Variants in LCOR observed in about 807,000 individuals in gnomAD.
LCOR encodes ligand-dependent corepressor.
Under a neutral mutation model 64.4 loss-of-function variants are expected in LCOR, and 14 were observed. The observed-to-expected ratio is 0.22, with a 90% CI of 0.14 to 0.34. The LOEUF is 0.34. Among genes scored for constraint, LCOR ranks in the 10% least tolerant of loss-of-function variants. LCOR has a pLI of 1.00. For synonymous variants in LCOR, 643 were observed against 642.5 expected, an observed-to-expected ratio of 1.00 and a Z score of -0.01; for missense variants, 1,686 against 1,765.3, an observed-to-expected ratio of 0.96 and a Z score of 0.80.
chr10:96,919,223 A>G (rs966040392), intron 4 of LCOR, among the ~76,000 whole-genome samples: 3 of 152,164 alleles, frequency 2.0e-5, no homozygotes, highest in African/African-American at 7.2e-5. Context: ...CTACTTATAT[A>G]AAAATTAGGG....
chr10:96,915,494 C>G (rs548063086), intron 4 of LCOR: 1 of 417,110 alleles, frequency 2.4e-6, no homozygotes, highest in African/African-American at 2.1e-5. Context: ...GCACTCCAGC[C>G]TGGGGAGAGA....
rs1848035333 is a variant in LCOR, at chr10:96,975,841, C to T, written c.333-4952C>T. ...ACCAGCCTGACCAACATGGCAAAAC[C>T]CTGTCTCTACTAAAAATACAAAAGC... On this transcript the variant is annotated intron_variant, in intron 7 of 7. Coordinates refer to ENST00000421806, the MANE Select transcript of LCOR (RefSeq NM_001346516.2). Among the ~76,000 whole-genome samples the T allele has an allele frequency of 2.0e-5, 3 of 152,008 alleles. 1 individual carries two copies. Among genetic ancestry groups the T allele is most frequent in the Admixed American group, 2.0e-4 (3 of 15,264 alleles).
intron 2 of LCOR, among the ~76,000 whole-genome samples, chr10:96,884,325 A>G (rs1846308307): frequency 6.6e-6 from 1 of 152,244 alleles, no homozygotes; most frequent in African/African-American, 2.4e-5. Flanking sequence ...CGGTTTCAGT[A>G]ATTTTTAAGA....
chr10:96,850,915 T>G (rs1462673431), intron 2 of LCOR, among the ~76,000 whole-genome samples: 1 of 152,216 alleles, frequency 6.6e-6, no homozygotes. Context: ...AGAAAGATAC[T>G]GACTACAGCT....
intron 7 of LCOR, among the ~76,000 whole-genome samples, chr10:96,970,588 T>G (rs1847990050): frequency 6.7e-6 from 1 of 149,968 alleles, no homozygotes; most frequent in Non-Finnish European, 1.5e-5. Context: ...GATTGTAAGA[T>G]CCTAACCAGC....
chr10:96,983,018 C>T lies in LCOR; in HGVS notation c.2558C>T (p.Ala853Val). Reference sequence around the variant, plus strand: ...ATCAAAGTTCCTAAAAATCCTAGTGCAAAACGTTCAAAAAAAGAAGGGCAC... The same window carrying T: ...ATCAAAGTTCCTAAAAATCCTAGTGTAAAACGTTCAAAAAAAGAAGGGCAC... The part of the protein sequence containing the change: ...LEIKVPKNPS[A>V]KRSKKEGHPG... Residue 853 changes from alanine to valine, a missense_variant, in exon 8 of 8, where the codon GCA becomes GTA. Around this residue, in one of 3 missense-constraint regions of LCOR, gnomAD observed 1,293 missense variants for 1,410.4 expected, o/e 0.92. Transcript: ENST00000421806. This position sits in a 1 kb window ranked among gnomAD's most constrained non-coding sequence, Gnocchi z 4.5. 4 of 1,613,788 alleles carry T rather than the reference C, an allele frequency of 2.5e-6. No individual in the cohort carries two copies. The South Asian group carries it at 4.4e-5, about 18-fold the overall frequency.
intron 4 of LCOR, among the ~76,000 whole-genome samples, chr10:96,910,085 A>AT (rs985777847): frequency 2.0e-5 from 3 of 151,920 alleles, no homozygotes; most frequent in African/African-American, 4.8e-5. Flanking sequence ...TATTGTATGA[A>AT]TTTTTTTTAA....
chr10:96,932,012 G>T (rs1847269898), intron 4 of LCOR, among the ~76,000 whole-genome samples: 1 of 152,140 alleles, frequency 6.6e-6, no homozygotes, highest in Non-Finnish European at 1.5e-5. Context: ...TTGCTGGGGG[G>T]ATAGCAGAAT....
chr10:96,908,243 A>G (rs1005827156), intron 4 of LCOR, among the ~76,000 whole-genome samples: 2 of 152,150 alleles, frequency 1.3e-5, no homozygotes, highest in East Asian at 3.9e-4. Flanking sequence ...CTCCTGCCTC[A>G]GCCTCCCAAA....
intron 7 of LCOR, among the ~76,000 whole-genome samples, chr10:96,971,863 C>G (rs1037647470): frequency 6.6e-6 from 1 of 152,246 alleles, no homozygotes; most frequent in East Asian, 1.9e-4. Context: ...CATAGAGTAT[C>G]TAAATAACAG....
rs1268649077 is a variant in LCOR at position 96,980,943 on chromosome 10, G to A, written c.483G>A (p.Glu161=). Residue 161 remains glutamate (E), a synonymous_variant, in exon 8 of 8, where the codon GAG becomes GAA. Transcript: ENST00000421806. The part of the protein sequence containing the change: ...DLYTESQPGT[E]DLQPSDSGAM... ...ACACTGAATCTCAACCAGGCACTGA[G>A]GACCTGCAGCCTTCTGATTCGGGAG... is the stretch of plus-strand genomic sequence containing the variant. The A allele has an allele frequency of 5.7e-6, 4 of 703,050 alleles. No homozygotes were observed. Among genetic ancestry groups the A allele is most frequent in the Non-Finnish European group, 7.8e-6 (3 of 385,014 alleles). 43.6% of individuals were successfully genotyped at this position (703,050 alleles called of 1,614,324 possible).
rs1325973471 is a variant in LCOR at position 96,955,331 on chromosome 10, A to G, written c.332+3135A>G. The G allele has an allele frequency of 3.1e-6, 5 of 1,614,116 alleles. No homozygotes were observed. In the South Asian group the frequency reaches 4.4e-5, roughly 14 times the overall value. Reference sequence around the variant, plus strand: ...CCTTTCCAAAAATGGCACTTCAAGCAAAACAAGATGGAAAAAAGGATGTGA... The same window carrying G: ...CCTTTCCAAAAATGGCACTTCAAGCGAAACAAGATGGAAAAAAGGATGTGA... On this transcript the variant is annotated intron_variant, in intron 7 of 7. Transcript: ENST00000421806.
chr10:96,953,124 A>G (rs1847710309), intron 7 of LCOR, among the ~76,000 whole-genome samples: 1 of 152,086 alleles, frequency 6.6e-6, no homozygotes, highest in Non-Finnish European at 1.5e-5. Flanking sequence ...AAATTCCAAA[A>G]CTTTTCATTT....
intron 2 of LCOR, among the ~76,000 whole-genome samples, chr10:96,905,763 T>A (rs116461617): frequency 4.0e-3 from 614 of 152,272 alleles, no homozygotes; most frequent in African/African-American, 0.014. Context: ...ATAATCTTGA[T>A]GGGAATTAAA....
At position 96,892,945 on chromosome 10, in the gene LCOR, G is replaced by A. The variant is rs115508053; in HGVS notation, c.-329-14320G>A. ...TACATGTAATATAATTGCTGATAAG[G>A]AGGAACATTTCCCATTTTATATTTC... On this transcript the variant is annotated intron_variant, in intron 2 of 7. Coordinates refer to ENST00000421806, the MANE Select transcript of LCOR (RefSeq NM_001346516.2). Among the ~76,000 whole-genome samples the A allele has an allele frequency of 3.3e-3, 501 of 152,206 alleles. 3 individuals are homozygous for A. The highest frequency in any genetic ancestry group is 0.012 in the African/African-American group (482 of 41,548).
intron 7 of LCOR, among the ~76,000 whole-genome samples, chr10:96,966,088 CA>C (rs1022238231): frequency 3.3e-4 from 50 of 150,908 alleles, no homozygotes; most frequent in African/African-American, 1.1e-3. Context: ...GAAACTAATT[CA>C]GGGGGCCCTA....
At chr10:96,886,026 C>T (rs191361307) in intron 2 of LCOR, among the ~76,000 whole-genome samples, 3 of 152,226 alleles carry the variant, frequency 2.0e-5, no homozygotes, top group Admixed American at 1.3e-4. Flanking sequence ...TACGGGCATG[C>T]GCCACCATGT....
At chr10:96,897,872 T>A (rs1222979454) in intron 2 of LCOR, among the ~76,000 whole-genome samples, 109 of 146,218 alleles carry the variant, frequency 7.5e-4, no homozygotes, top group African/African-American at 2.7e-3. Context: ...CCATCTTTTT[T>A]TTTTTTTTTT....
intron 2 of LCOR, among the ~76,000 whole-genome samples, chr10:96,866,472 A>G (rs1845976351): frequency 6.6e-6 from 1 of 152,112 alleles, no homozygotes; most frequent in Admixed American, 6.5e-5. Flanking sequence ...TTTTTGTACA[A>G]GTCTTTTTGT....
Sources: allele counts gnomAD v4.1 joint callset (sites outside exome capture counted in the v4.1 genomes callset), GRCh38; gene constraint gnomAD v4.1.1; regional missense constraint gnomAD v4.1.1; non-coding constraint Gnocchi (gnomAD v3.1); transcripts MANE v1.5; gene names NCBI Gene and HGNC (gene_info 2026-07-23, HGNC 2026-07-21).